CA10: variants seen among roughly 807,000 people sequenced by gnomAD.
The protein encoded by CA10 is carbonic anhydrase-related protein 10.
In CA10, 14 loss-of-function variants were observed where a neutral mutation model predicts 44.2. The ratio of observed to expected loss-of-function variants is 0.32; its 90% CI spans 0.21 to 0.50. The LOEUF is 0.50. Among genes scored for constraint, CA10 ranks in the 20% least tolerant of loss-of-function variants. CA10 has a pLI of 0.99. For synonymous variants in CA10, 159 were observed against 141.6 expected (o/e 1.12, Z -0.87); for missense variants, 350 against 409.7 (o/e 0.85, Z 1.26).
At chr17:51,817,532 A>G (rs903611416) in intron 3 of CA10, among the ~76,000 whole-genome samples, 1 of 152,200 alleles carries the variant, frequency 6.6e-6, no homozygotes, top group African/African-American at 2.4e-5. Flanking sequence ...GAAGCTGGGC[A>G]CAAGGGAACA....
intron 2 of CA10, among the ~76,000 whole-genome samples, chr17:51,982,125 C>G (rs748284614): frequency 1.1e-4 from 16 of 151,976 alleles, no homozygotes; most frequent in Non-Finnish European, 2.2e-4. Flanking sequence ...CCTCCCTCTT[C>G]AAACATTTAG....
chr17:52,087,121 G>T (rs2143195797), intron 1 of CA10, among the ~76,000 whole-genome samples: 1 of 152,264 alleles, frequency 6.6e-6, no homozygotes, highest in South Asian at 2.1e-4. Context: ...TGATGACCCA[G>T]ATACCTTTTC....
chr17:51,931,320 C>A (rs923600387), intron 2 of CA10, among the ~76,000 whole-genome samples, 188 bp from the exon 3 acceptor site: 3 of 152,074 alleles, frequency 2.0e-5, no homozygotes, highest in Admixed American at 6.6e-5. Flanking sequence ...CTAAGTCTTA[C>A]CTGCATGGTC....
intron 2 of CA10, among the ~76,000 whole-genome samples, chr17:52,044,901 T>C (rs2144198298): frequency 6.6e-6 from 1 of 151,194 alleles, no homozygotes; most frequent in East Asian, 2.3e-4. Flanking sequence ...TGGGTGATGG[T>C]AACAACTGTG....
chr17:51,765,690 C>CGT (rs1567832322), intron 3 of CA10, among the ~76,000 whole-genome samples: 2 of 90,904 alleles, frequency 2.2e-5, no homozygotes, highest in South Asian at 9.1e-4. Flanking sequence ...CAGGCAGCTC[C>CGT]CTGTGTGTGT....
chr17:52,100,517 A>G lies in CA10; in HGVS notation c.62-28124T>C, dbSNP rs189449501. On this transcript the variant is annotated intron_variant, in intron 1 of 8. Coordinates refer to ENST00000451037, the MANE Select transcript of CA10 (RefSeq NM_020178.5). ...AAAACAAAAACAAAAGCAAAACTCTACATGAAAGTGGGCAAGAAAGAGGTA... is the reference window on the plus strand; with the variant it reads ...AAAACAAAAACAAAAGCAAAACTCTGCATGAAAGTGGGCAAGAAAGAGGTA... Among the ~76,000 whole-genome samples the G allele has an allele frequency of 1.2e-4, 19 of 152,348 alleles. No homozygotes were observed. The East Asian group carries it at 3.3e-3, about 26-fold the overall frequency.
intron 1 of CA10, among the ~76,000 whole-genome samples, chr17:52,080,704 C>T (rs748319658): frequency 6.6e-6 from 1 of 151,960 alleles, no homozygotes; most frequent in Non-Finnish European, 1.5e-5. Flanking sequence ...TTACTCTCTC[C>T]ACACCTTCAC....
chr17:51,938,622 G>T (rs1413791495), intron 2 of CA10, among the ~76,000 whole-genome samples: 1 of 152,104 alleles, frequency 6.6e-6, no homozygotes, highest in Non-Finnish European at 1.5e-5. Context: ...GGAGTTGTCA[G>T]ATTACTTATT....
intron 3 of CA10, among the ~76,000 whole-genome samples, chr17:51,789,652 A>C (rs182949053): frequency 6.6e-6 from 1 of 152,158 alleles, no homozygotes; most frequent in East Asian, 1.9e-4. Context: ...CCTGACTAAC[A>C]TATCCTCCCT....
chr17:51,833,780 G>T (rs1292723529), intron 3 of CA10, among the ~76,000 whole-genome samples: 1 of 152,158 alleles, frequency 6.6e-6, no homozygotes, highest in African/African-American at 2.4e-5. Context: ...TAAAGAATCA[G>T]CTGGGAGAAA....
chr17:51,912,506 A>G (rs1272218786), intron 3 of CA10, among the ~76,000 whole-genome samples: 1 of 152,168 alleles, frequency 6.6e-6, no homozygotes, highest in Non-Finnish European at 1.5e-5. Flanking sequence ...AAAAAGAAAA[A>G]AACTTGCCTG....
intron 1 of CA10, among the ~76,000 whole-genome samples, chr17:52,151,682 G>A (rs1989705792): frequency 6.6e-6 from 1 of 152,090 alleles, no homozygotes; most frequent in African/African-American, 2.4e-5. Context: ...AACAAGTATT[G>A]TTATTGATGT....
In CA10 at chr17:51,676,647, C is replaced by A. The variant is rs139957367; in HGVS notation, c.466-22911G>T. ...GAAACCCTATTGGCTGCAAAGTGAG[C>A]GTCAGATACTGCTTTTAGAGATAGC... On this transcript the variant is annotated intron_variant, in intron 4 of 8. Coordinates refer to ENST00000451037, the MANE Select transcript of CA10 (RefSeq NM_020178.5). Among the ~76,000 whole-genome samples the A allele has an allele frequency of 2.0e-5, 3 of 152,154 alleles. No individual in the cohort carries two copies. In the South Asian group the frequency reaches 6.2e-4, roughly 32 times the overall value.
intron 1 of CA10, among the ~76,000 whole-genome samples, chr17:52,138,301 C>A (rs1414637036): frequency 6.6e-6 from 1 of 152,140 alleles, no homozygotes; most frequent in Non-Finnish European, 1.5e-5. Context: ...ATTTGGCCCA[C>A]CCAGATAATC....
intron 3 of CA10, among the ~76,000 whole-genome samples, chr17:51,840,467 C>G (rs954197421): frequency 1.2e-4 from 17 of 137,758 alleles, no homozygotes; most frequent in African/African-American, 4.0e-4. Context: ...GAACTCAATC[C>G]CAACCTTTAA....
At chr17:51,676,716 C>T (rs1030998470) in intron 4 of CA10, among the ~76,000 whole-genome samples, 2 of 152,202 alleles carry the variant, frequency 1.3e-5, no homozygotes, top group Admixed American at 6.5e-5. Flanking sequence ...ATATGCAACA[C>T]TCCCCACTTT....
At chr17:51,927,865 G>A (rs2143987085) in intron 3 of CA10, among the ~76,000 whole-genome samples, 1 of 152,130 alleles carries the variant, frequency 6.6e-6, no homozygotes, top group East Asian at 1.9e-4. Flanking sequence ...TCCTCTTTTT[G>A]ATTAAGTTAA....
chr17:51,631,624 G>GAAAAAA lies in CA10; in HGVS notation c.965-24_965-19dup. 6.5e-7 allele frequency: 1 copy of GAAAAAA among 1,528,124 alleles called. No homozygotes were observed. The highest frequency in any genetic ancestry group is 1.8e-5 in the Admixed American group (1 of 55,200). The allele number at this position is 1,528,124 out of a possible 1,614,324, so 94.7% of individuals were successfully genotyped here. ...TTCATTTACTGCAAAGAGAGAGAAA[G>GAAAAAA]AAAAAAAAAATCACACATACAACAT... is the stretch of plus-strand genomic sequence containing the variant. On this transcript the variant is annotated intron_variant, in intron 8 of 8. Transcript: ENST00000451037.
chr17:52,158,282 C>G lies in CA10; in HGVS notation c.-496G>C, dbSNP rs1169359923. 9.5e-6 allele frequency: 2 copies of G among 211,372 alleles called. No individual in the cohort carries two copies. Among genetic ancestry groups the G allele is most frequent in the Admixed American group, 1.1e-4 (2 of 18,618 alleles). 13.1% of individuals were successfully genotyped at this position (211,372 alleles called of 1,614,324 possible). A position where few individuals can be genotyped will look rare whatever the true frequency, so the allele number is the denominator to read the frequency against. On this transcript the variant is annotated 5_prime_UTR_variant, in exon 1 of 9. Coordinates refer to ENST00000451037, the MANE Select transcript of CA10 (RefSeq NM_020178.5). ...GCGTAGCTCGCTGGCTAAGCCCAGG[C>G]AGTCCGCGGCAAGTTGCCCTCGAAG...
Sources: allele counts gnomAD v4.1 joint callset (sites outside exome capture counted in the v4.1 genomes callset), GRCh38; gene constraint gnomAD v4.1.1; transcripts MANE v1.5; gene names NCBI Gene and HGNC (gene_info 2026-07-23, HGNC 2026-07-21).